The following RGL1 variants were observed in gnomAD, a reference collection of about 807,000 sequenced individuals.
RGL1 encodes the protein ral guanine nucleotide dissociation stimulator like 1.
RGL1 carries 24 observed loss-of-function variants against 95.2 expected under a neutral mutation model. The ratio of observed to expected loss-of-function variants is 0.25; its 90% confidence interval spans 0.18 to 0.35. The LOEUF (loss-of-function observed/expected upper bound fraction) is 0.35, where lower values mean the gene tolerates loss of function less well. Ranked by LOEUF, RGL1 falls within the 10% of genes least tolerant of loss-of-function variation. The probability of loss-of-function intolerance (pLI) is 1.00; values close to 1 mark genes in which losing one functional copy is unlikely to be tolerated. For missense variants in RGL1, 715 were observed against 936.3 expected (o/e 0.76, Z 3.08); for synonymous variants, 329 against 344.9 (o/e 0.95, Z 0.51).
chr1:183,728,417 C>T (rs1213256720), intron 1 of RGL1, among the ~76,000 whole-genome samples: 2 of 152,070 alleles, frequency 1.3e-5, no homozygotes, highest in Non-Finnish European at 2.9e-5. Flanking sequence ...TTCTGCTCCT[C>T]TGGAGAACCC....
chr1:183,691,507 A>C (rs1653942528), intron 1 of RGL1, among the ~76,000 whole-genome samples: 1 of 152,214 alleles, frequency 6.6e-6, no homozygotes, highest in South Asian at 2.1e-4. Context: ...AAAGAGTTTC[A>C]TATTATTGGT....
intron 1 of RGL1, among the ~76,000 whole-genome samples, chr1:183,714,812 G>A (rs1360491784): frequency 6.6e-6 from 1 of 152,186 alleles, no homozygotes; most frequent in Non-Finnish European, 1.5e-5. Flanking sequence ...CCACCTGAAA[G>A]AGCTTGATGG....
At chr1:183,888,620 A>G (rs375449163) in intron 8 of RGL1, 43 bp downstream of exon 8, 3 of 1,280,086 alleles carry the variant, frequency 2.3e-6, no homozygotes, top group Non-Finnish European at 3.4e-6. Flanking sequence ...TGGCCGGGAT[A>G]ATTAGTGGTT....
At chr1:183,667,676 T>A (rs1652136941) in intron 1 of RGL1, among the ~76,000 whole-genome samples, 1 of 152,200 alleles carries the variant, frequency 6.6e-6, no homozygotes, top group Admixed American at 6.5e-5. Context: ...ATATCTACCT[T>A]ATTTAATACT....
At chr1:183,712,759 C>T (rs1655362414) in intron 1 of RGL1, among the ~76,000 whole-genome samples, 1 of 152,156 alleles carries the variant, frequency 6.6e-6, no homozygotes, top group Admixed American at 6.5e-5. Flanking sequence ...AGACCTTAAT[C>T]CCAGCTCCTA....
chr1:183,760,552 C>A (rs1257267231), intron 2 of RGL1, among the ~76,000 whole-genome samples: 3 of 108,722 alleles, frequency 2.8e-5, no homozygotes, highest in African/African-American at 7.4e-5. Flanking sequence ...GGCCATATAG[C>A]AAGATCCAGT....
At chr1:183,732,184 G>A (rs1656667989) in intron 1 of RGL1, among the ~76,000 whole-genome samples, 1 of 152,134 alleles carries the variant, frequency 6.6e-6, no homozygotes, top group Non-Finnish European at 1.5e-5. Context: ...CATGATTGCT[G>A]TTGTGCTAAG....
chr1:183,905,229 G>A (rs1668250362), intron 13 of RGL1, among the ~76,000 whole-genome samples: 1 of 152,124 alleles, frequency 6.6e-6, no homozygotes, highest in Non-Finnish European at 1.5e-5. Flanking sequence ...CTATCTTAAG[G>A]ATGCTCATCT....
intron 2 of RGL1, among the ~76,000 whole-genome samples, chr1:183,824,245 C>T (rs1662695775): frequency 6.6e-6 from 1 of 152,034 alleles, no homozygotes; most frequent in Admixed American, 6.6e-5. Flanking sequence ...TCTTGTACAC[C>T]CTTTAGACAC....
intron 2 of RGL1, among the ~76,000 whole-genome samples, chr1:183,787,043 C>T (rs1660212020): frequency 6.6e-6 from 1 of 152,218 alleles, no homozygotes; most frequent in African/African-American, 2.4e-5. Context: ...AAATCTCAAA[C>T]AAACCATCCT....
At chr1:183,720,390 A>G (rs748799451) in intron 1 of RGL1, among the ~76,000 whole-genome samples, 4 of 152,158 alleles carry the variant, frequency 2.6e-5, no homozygotes, top group Non-Finnish European at 5.9e-5. Flanking sequence ...TACCGTCCCT[A>G]TACTCCCTCT....
chr1:183,866,249 TTAAG>T (rs1263356885), intron 4 of RGL1, among the ~76,000 whole-genome samples, 176 bp downstream of exon 4: 1 of 152,204 alleles, frequency 6.6e-6, no homozygotes, highest in East Asian at 1.9e-4. Context: ...TGAAAGTATC[TTAAG>T]TAACCACTGT....
chr1:183,916,822 A>G, intron 16 of RGL1, 121 bp downstream of exon 16: 1 of 1,099,624 alleles, frequency 9.1e-7, no homozygotes, highest in East Asian at 2.4e-5. Context: ...ACATATATGC[A>G]TTCACACAGA....
At chr1:183,681,260 A>G (rs1364377139) in intron 1 of RGL1, among the ~76,000 whole-genome samples, 1 of 152,214 alleles carries the variant, frequency 6.6e-6, no homozygotes, top group Non-Finnish European at 1.5e-5. Flanking sequence ...GCCTGTTTTC[A>G]AAGGGAATGC....
intron 1 of RGL1, among the ~76,000 whole-genome samples, chr1:183,719,139 A>G (rs1025170652): frequency 3.3e-5 from 5 of 152,218 alleles, no homozygotes; most frequent in African/African-American, 1.2e-4. Context: ...TGAAAGGTAA[A>G]TTGTGAAATC....
chr1:183,796,988 A>T, intron 2 of RGL1, among the ~76,000 whole-genome samples: 1 of 152,226 alleles, frequency 6.6e-6, no homozygotes, highest in East Asian at 1.9e-4. Flanking sequence ...ATAGTATTTC[A>T]GTATCCAACT....
chr1:183,721,623 CCTG>C (rs1656017554), intron 1 of RGL1, among the ~76,000 whole-genome samples: 1 of 152,326 alleles, frequency 6.6e-6, no homozygotes, highest in South Asian at 2.1e-4. Context: ...CTTTGGATAA[CCTG>C]CTATTATACA....
chr1:183,855,478 C>T (rs909109134), intron 3 of RGL1, among the ~76,000 whole-genome samples: 2 of 152,262 alleles, frequency 1.3e-5, no homozygotes, highest in Non-Finnish European at 2.9e-5. Flanking sequence ...ACACTAGGCA[C>T]TTGCCAAATA....
At chr1:183,673,454 C>T (rs896406682) in intron 1 of RGL1, among the ~76,000 whole-genome samples, 1 of 152,170 alleles carries the variant, frequency 6.6e-6, no homozygotes, top group Non-Finnish European at 1.5e-5. Context: ...GGGCTCTGTT[C>T]TACTTCATCA....
Sources: gnomAD v4.1 joint callset for allele counts (sites outside exome capture counted in the v4.1 genomes callset) on GRCh38, gnomAD v4.1.1 for gene constraint, MANE v1.5 for transcripts, NCBI Gene and HGNC (gene_info 2026-07-23, HGNC 2026-07-21) for gene names.